CHCHD6: variants seen among roughly 807,000 people sequenced by gnomAD.
CHCHD6 encodes the protein MICOS complex subunit MIC25.
Under a neutral mutation model 32.3 loss-of-function variants are expected in CHCHD6, and 28 were observed. The ratio of observed to expected loss-of-function variants is 0.87; its 90% confidence interval spans 0.64 to 1.19. The LOEUF is 1.19. Ranked by LOEUF, CHCHD6 falls within the 50% of genes most tolerant of loss-of-function variation. The pLI is 0.00. For synonymous variants in CHCHD6, 122 were observed against 117.5 expected (o/e 1.04, Z -0.25); for missense variants, 333 against 307.0 (o/e 1.08, Z -0.63).
At chr3:126,805,746 C>G (rs1207538010) in intron 4 of CHCHD6, among the ~76,000 whole-genome samples, 1 of 152,186 alleles carries the variant, frequency 6.6e-6, no homozygotes, top group African/African-American at 2.4e-5. Flanking sequence ...ATCGCCAAGT[C>G]GATCCTAAGC....
chr3:126,790,836 C>A (rs1938496615), intron 4 of CHCHD6, among the ~76,000 whole-genome samples: 1 of 152,234 alleles, frequency 6.6e-6, no homozygotes, highest in Non-Finnish European at 1.5e-5. Flanking sequence ...CAAAGTCATT[C>A]TCCATCCAGC....
At position 126,953,106 on chromosome 3, in the gene CHCHD6, T is replaced by A. The variant is rs1348468700; in HGVS notation, c.567-4310T>A. On this transcript the variant is annotated intron_variant, in intron 6 of 7. Coordinates refer to ENST00000290913, the MANE Select transcript of CHCHD6 (RefSeq NM_032343.3). ...ATTCTCCTGCCATCCTCTCAACAGCTCTGTGGGGTGGGGTCCTCCCCCATA... is the reference window on the plus strand; with the variant it reads ...ATTCTCCTGCCATCCTCTCAACAGCACTGTGGGGTGGGGTCCTCCCCCATA... The A allele has an allele frequency of 3.0e-6, 3 of 985,352 alleles. No homozygotes were observed. In the African/African-American group the frequency reaches 5.2e-5, roughly 17 times the overall value. The allele number at this position is 985,352 out of a possible 1,614,324, so 61.0% of individuals were successfully genotyped here. A position where few individuals can be genotyped will look rare whatever the true frequency, so the allele number is the denominator to read the frequency against.
chr3:126,753,518 T>C (rs550679579), intron 4 of CHCHD6, among the ~76,000 whole-genome samples: 8 of 152,294 alleles, frequency 5.3e-5, no homozygotes, highest in Non-Finnish European at 7.4e-5. Flanking sequence ...TCTGTAAACA[T>C]TGGACGGGGC....
At chr3:126,798,187 G>A (rs916706042) in intron 4 of CHCHD6, among the ~76,000 whole-genome samples, 1 of 152,166 alleles carries the variant, frequency 6.6e-6, no homozygotes, top group Non-Finnish European at 1.5e-5. Context: ...CGGGCCACTC[G>A]GGCTTCCTGG....
chr3:126,932,887 G>A (rs2107599371), intron 6 of CHCHD6, among the ~76,000 whole-genome samples: 1 of 119,066 alleles, frequency 8.4e-6, no homozygotes, highest in South Asian at 4.0e-4. Context: ...CAGCAGCCCT[G>A]GCTGCCGCTG....
In CHCHD6 at chr3:126,789,173, T is replaced by C. The variant is rs539938958; in HGVS notation, c.411+55951T>C. Among the ~76,000 whole-genome samples the C allele has an allele frequency of 2.0e-5, 3 of 152,374 alleles. No homozygotes were observed. In the South Asian group the frequency reaches 6.2e-4, roughly 32 times the overall value. ...ATCCTGAGTTCTAGTTTGATTGCACTGTGGTCTGAGAGACAGTTTGTTATA... is the reference window on the plus strand; with the variant it reads ...ATCCTGAGTTCTAGTTTGATTGCACCGTGGTCTGAGAGACAGTTTGTTATA... On this transcript the variant is annotated intron_variant, in intron 4 of 7. Transcript: ENST00000290913.
chr3:126,898,580 C>T (rs910458992), intron 5 of CHCHD6, among the ~76,000 whole-genome samples: 2 of 152,146 alleles, frequency 1.3e-5, no homozygotes, highest in Non-Finnish European at 2.9e-5. Flanking sequence ...CTCTTGTTCC[C>T]CAGGCTGGAG....
chr3:126,792,569 C>G (rs1324817934), intron 4 of CHCHD6, among the ~76,000 whole-genome samples: 1 of 152,040 alleles, frequency 6.6e-6, no homozygotes, highest in Non-Finnish European at 1.5e-5. Context: ...GGAGAGCTCC[C>G]TGTTATTTTT....
At chr3:126,960,122 A>G (rs367560660) in intron 7 of CHCHD6, 74 bp from the exon 8 acceptor site, 53 of 1,542,452 alleles carry the variant, frequency 3.4e-5, no homozygotes, top group Non-Finnish European at 4.4e-5. Context: ...TTGCTGTCAC[A>G]GGGCGATCTG....
At chr3:126,851,216 G>C (rs1011220838) in intron 4 of CHCHD6, among the ~76,000 whole-genome samples, 1 of 152,186 alleles carries the variant, frequency 6.6e-6, no homozygotes, top group Non-Finnish European at 1.5e-5. Context: ...ACTAGTGAGT[G>C]GTCAGCTCTT....
chr3:126,752,690 T>C (rs1349076891), intron 4 of CHCHD6, among the ~76,000 whole-genome samples: 1 of 152,202 alleles, frequency 6.6e-6, no homozygotes, highest in Non-Finnish European at 1.5e-5. Context: ...AGGTTTGTAC[T>C]GCCCTGTGGG....
At chr3:126,844,567 C>T (rs1195208776) in intron 4 of CHCHD6, among the ~76,000 whole-genome samples, 1 of 152,078 alleles carries the variant, frequency 6.6e-6, no homozygotes, top group Non-Finnish European at 1.5e-5. Context: ...ATATCTTTTT[C>T]CTTTTTTCCC....
chr3:126,886,382 C>A (rs1025175459), intron 5 of CHCHD6, among the ~76,000 whole-genome samples: 2 of 152,192 alleles, frequency 1.3e-5, no homozygotes, highest in Admixed American at 6.5e-5. Context: ...CCCCTCTCCC[C>A]CTTCCAGGAC....
intron 4 of CHCHD6, among the ~76,000 whole-genome samples, chr3:126,836,457 C>A (rs1270135187): frequency 2.0e-5 from 3 of 152,228 alleles, no homozygotes; most frequent in Non-Finnish European, 4.4e-5. Context: ...TGGACCGCCA[C>A]TCTGTTCTTC....
intron 4 of CHCHD6, among the ~76,000 whole-genome samples, chr3:126,821,446 C>T (rs1177850655): frequency 3.3e-5 from 5 of 152,052 alleles, no homozygotes; most frequent in Non-Finnish European, 5.9e-5. Flanking sequence ...TACAGGTGCC[C>T]ACCACCCCTG....
chr3:126,759,736 A>G (rs1207851008), intron 4 of CHCHD6, among the ~76,000 whole-genome samples: 1 of 152,168 alleles, frequency 6.6e-6, no homozygotes, highest in African/African-American at 2.4e-5. Context: ...TGGCACCATT[A>G]AATTTGATTA....
chr3:126,835,254 G>A (rs1940807668), intron 4 of CHCHD6, among the ~76,000 whole-genome samples: 1 of 152,156 alleles, frequency 6.6e-6, no homozygotes, highest in Non-Finnish European at 1.5e-5. Context: ...CAACAGCAGA[G>A]GCAGGACAGT....
At chr3:126,740,793 G>C (rs1936260295) in intron 4 of CHCHD6, among the ~76,000 whole-genome samples, 1 of 152,210 alleles carries the variant, frequency 6.6e-6, no homozygotes, top group South Asian at 2.1e-4. Flanking sequence ...GTGGTTATAT[G>C]ATGTGACAAA....
At chr3:126,771,446 T>C (rs761337053) in intron 4 of CHCHD6, among the ~76,000 whole-genome samples, 3 of 151,984 alleles carry the variant, frequency 2.0e-5, no homozygotes, top group Non-Finnish European at 4.4e-5. Flanking sequence ...CTCGTGATCT[T>C]GATCCGCCCA....
Sources: gnomAD v4.1 joint callset for allele counts (sites outside exome capture counted in the v4.1 genomes callset) on GRCh38, gnomAD v4.1.1 for gene constraint, MANE v1.5 for transcripts, NCBI Gene and HGNC (gene_info 2026-07-23, HGNC 2026-07-21) for gene names.